The following CMSS1 variants were observed in gnomAD, a reference collection of about 807,000 sequenced individuals.
The protein encoded by CMSS1 is protein CMSS1.
In CMSS1, 33 loss-of-function variants were observed where a neutral mutation model predicts 43.5. The ratio of observed to expected loss-of-function variants is 0.76; its 90% CI spans 0.57 to 1.01. The LOEUF is 1.01. Ranked by LOEUF, CMSS1 falls within the 50% of genes least tolerant of loss-of-function variation. The pLI, the probability that CMSS1 is intolerant of heterozygous loss-of-function variation, is 0.00. For synonymous variants in CMSS1, 115 were observed against 117.2 expected, an observed-to-expected ratio of 0.98 and a Z score of 0.12; for missense variants, 313 against 326.4, an observed-to-expected ratio of 0.96 and a Z score of 0.32.
At chr3:99,885,645 T>C (rs1705868915) in intron 1 of CMSS1, among the ~76,000 whole-genome samples, 1 of 152,196 alleles carries the variant, frequency 6.6e-6, no homozygotes, top group Non-Finnish European at 1.5e-5. Flanking sequence ...CTGACTGACT[T>C]TTAGTTAAAA....
intron 1 of CMSS1, among the ~76,000 whole-genome samples, chr3:99,916,007 T>C (rs2107644652): frequency 6.6e-6 from 1 of 152,334 alleles, no homozygotes; most frequent in South Asian, 2.1e-4. Context: ...TGAAGAAAGA[T>C]ACGTGTAATG....
rs149102214 is a variant in CMSS1, at chr3:99,976,382, A to C, written c.64+158339A>C. Reference sequence around the variant, plus strand: ...ATGTCTATTTTTATTGGATGTTGTAAGTAAGTTATTAAACTGTGTCCAAAA... The same window carrying C: ...ATGTCTATTTTTATTGGATGTTGTACGTAAGTTATTAAACTGTGTCCAAAA... On this transcript the variant is annotated intron_variant, in intron 1 of 9. Transcript: ENST00000421999. 6.8e-3 allele frequency among the ~76,000 whole-genome samples: 1,034 copies of C among 152,332 alleles called. 3 individuals are homozygous for C. Among genetic ancestry groups the C allele is most frequent in the African/African-American group, 8.5e-3 (354 of 41,568 alleles).
intron 1 of CMSS1, among the ~76,000 whole-genome samples, chr3:100,110,811 T>C (rs533596348): frequency 7.2e-5 from 11 of 152,156 alleles, no homozygotes; most frequent in Non-Finnish European, 1.0e-4. Flanking sequence ...AGCCTACTTA[T>C]GCTTGCACCA....
intron 1 of CMSS1, among the ~76,000 whole-genome samples, chr3:100,117,063 G>C (rs1254432988): frequency 6.6e-6 from 1 of 152,118 alleles, no homozygotes; most frequent in Non-Finnish European, 1.5e-5. Context: ...AGTTTATAAA[G>C]ACTGAGGGAA....
intron 1 of CMSS1, among the ~76,000 whole-genome samples, chr3:100,076,578 T>A (rs909648949): frequency 1.3e-5 from 2 of 152,250 alleles, no homozygotes; most frequent in Admixed American, 1.3e-4. Context: ...CCCCACTGAA[T>A]GTCAGTCTTC....
chr3:100,161,178 C>T (rs757319714), intron 3 of CMSS1, among the ~76,000 whole-genome samples: 5 of 152,128 alleles, frequency 3.3e-5, no homozygotes, highest in Non-Finnish European at 7.4e-5. Flanking sequence ...CGAGGAAATA[C>T]GATTGGGATT....
At chr3:100,170,862 T>C (rs989338902) in intron 6 of CMSS1, among the ~76,000 whole-genome samples, 1 of 152,190 alleles carries the variant, frequency 6.6e-6, no homozygotes, top group Non-Finnish European at 1.5e-5. Flanking sequence ...CCAGAGACTG[T>C]AAAGTGACAA....
intron 1 of CMSS1, among the ~76,000 whole-genome samples, chr3:100,082,908 A>G (rs891776537): frequency 6.6e-6 from 1 of 152,196 alleles, no homozygotes; most frequent in Non-Finnish European, 1.5e-5. Context: ...ACATTCCACA[A>G]TCTGTAGAAT....
intron 1 of CMSS1, among the ~76,000 whole-genome samples, chr3:99,838,539 G>C (rs1447959604): frequency 1.3e-5 from 2 of 152,224 alleles, no homozygotes; most frequent in Non-Finnish European, 2.9e-5. Flanking sequence ...TGGCAGATCT[G>C]TGAGGTGGAG....
chr3:100,001,720 A>C (rs16841874), intron 1 of CMSS1, among the ~76,000 whole-genome samples: 74,509 of 151,956 alleles, frequency 0.49, 18,739 homozygotes, highest in East Asian at 0.69. Context: ...GATGTGGCCA[A>C]GGTTTTCAAA....
At chr3:100,003,928 C>A (rs1709914555) in intron 1 of CMSS1, among the ~76,000 whole-genome samples, 1 of 152,164 alleles carries the variant, frequency 6.6e-6, no homozygotes. Context: ...GCAAACAAGT[C>A]TTCTCAGGTT....
intron 1 of CMSS1, among the ~76,000 whole-genome samples, chr3:99,999,626 G>A (rs1024982437): frequency 2.0e-5 from 3 of 152,242 alleles, no homozygotes; most frequent in Admixed American, 1.3e-4. Flanking sequence ...CGGGATATAG[G>A]CTTTTCAGTC....
chr3:99,886,553 GC>G (rs569622611), intron 1 of CMSS1, among the ~76,000 whole-genome samples: 1 of 152,080 alleles, frequency 6.6e-6, no homozygotes, highest in Non-Finnish European at 1.5e-5. Flanking sequence ...GCACATTCCT[GC>G]CCAGATTTTG....
rs189571911 is a variant in CMSS1, at chr3:100,159,307, A to G, written c.154-1123A>G. Reference sequence around the variant, plus strand: ...CTGAACTTTTTAAATCTATTTCTGTAATAACTAAAAGAGAATCTTGAAACT... The same window carrying G: ...CTGAACTTTTTAAATCTATTTCTGTGATAACTAAAAGAGAATCTTGAAACT... On this transcript the variant is annotated intron_variant, in intron 2 of 9. Coordinates refer to ENST00000421999, the MANE Select transcript of CMSS1 (RefSeq NM_032359.4). Among the ~76,000 whole-genome samples the G allele has an allele frequency of 4.8e-4, 73 of 152,350 alleles. 1 individual carries two copies. In the Middle Eastern group the frequency reaches 0.01, roughly 21 times the overall value.
At chr3:100,120,904 C>T (rs1171188762) in intron 1 of CMSS1, among the ~76,000 whole-genome samples, 2 of 152,198 alleles carry the variant, frequency 1.3e-5, no homozygotes, top group South Asian at 2.1e-4. Context: ...GGCAGGAAAG[C>T]GCAGGATGGC....
At chr3:99,854,930 G>A (rs750092208) in intron 1 of CMSS1, among the ~76,000 whole-genome samples, 11 of 152,138 alleles carry the variant, frequency 7.2e-5, no homozygotes, top group Non-Finnish European at 1.3e-4. Flanking sequence ...AATCACATAG[G>A]AATCTTGTTA....
At chr3:99,973,823 G>A (rs1256444037) in intron 1 of CMSS1, among the ~76,000 whole-genome samples, 2 of 152,172 alleles carry the variant, frequency 1.3e-5, no homozygotes, top group African/African-American at 2.4e-5. Context: ...TCTATTCCTA[G>A]GCCTGGTGTT....
chr3:99,947,290 G>T (rs1708040737), intron 1 of CMSS1, among the ~76,000 whole-genome samples: 1 of 151,708 alleles, frequency 6.6e-6, no homozygotes, highest in Non-Finnish European at 1.5e-5. Context: ...TCTTATCTTT[G>T]TATCTGTTAT....
At chr3:99,930,767 A>G in intron 1 of CMSS1, 2 of 1,613,054 alleles carry the variant, frequency 1.2e-6, no homozygotes, top group Non-Finnish European at 1.7e-6. Flanking sequence ...AACCCAGCTG[A>G]CCTGCAGTTC....
Sources: gnomAD v4.1 joint callset for allele counts (sites outside exome capture counted in the v4.1 genomes callset) on GRCh38, gnomAD v4.1.1 for gene constraint, MANE v1.5 for transcripts, NCBI Gene and HGNC (gene_info 2026-07-23, HGNC 2026-07-21) for gene names.